Variants in IQGAP1 observed in about 807,000 individuals in gnomAD.
IQGAP1 encodes the protein IQ motif containing GTPase activating protein 1.
A neutral mutation model predicts 215.6 loss-of-function variants in IQGAP1; 66 were observed. The observed-to-expected ratio is 0.31, with a 90% confidence interval of 0.25 to 0.38. The LOEUF (loss-of-function observed/expected upper bound fraction) is 0.38. Ranked by LOEUF, IQGAP1 falls within the 10% of genes least tolerant of loss-of-function variation. IQGAP1 has a pLI of 1.00. For missense variants in IQGAP1, 1,712 were observed against 1,997.1 expected, an observed-to-expected ratio of 0.86 and a Z score of 2.72; for synonymous variants, 772 against 728.7, an observed-to-expected ratio of 1.06 and a Z score of -0.96.
intron 18 of IQGAP1, among the ~76,000 whole-genome samples, chr15:90,470,823 C>T (rs1596282949): frequency 6.6e-6 from 1 of 152,154 alleles, no homozygotes; most frequent in Non-Finnish European, 1.5e-5. Flanking sequence ...AAAGTCTCTT[C>T]CTCAAACCCT....
intron 4 of IQGAP1, among the ~76,000 whole-genome samples, chr15:90,433,230 G>GTT (rs1230685514): frequency 6.6e-6 from 1 of 152,054 alleles, no homozygotes; most frequent in African/African-American, 2.4e-5. Context: ...ATATTTTATA[G>GTT]TTTTTTTCAA....
At chr15:90,441,484 G>GTT in intron 7 of IQGAP1, 22 bp from the exon 8 acceptor site, 1 of 1,581,984 alleles carries the variant, frequency 6.3e-7, no homozygotes, top group Non-Finnish European at 8.6e-7. Flanking sequence ...TTGTTGGTTT[G>GTT]TTTTTTTGTT....
intron 2 of IQGAP1, among the ~76,000 whole-genome samples, chr15:90,407,029 A>C (rs1347912003): frequency 1.3e-5 from 2 of 152,214 alleles, no homozygotes; most frequent in Non-Finnish European, 2.9e-5. Context: ...GCCATACTTT[A>C]AGATGGATCT....
chr15:90,484,190 T>C lies in IQGAP1; in HGVS notation c.3789-30T>C, dbSNP rs200037838. On this transcript the variant is annotated intron_variant, in intron 29 of 37. Coordinates refer to ENST00000268182, the MANE Select transcript of IQGAP1 (RefSeq NM_003870.4). ...GCCAACTTCATGTGTATGTCCCTTTTTGGGGGGCTGCCTCCTGTGCTTATT... is the reference window on the plus strand; with the variant it reads ...GCCAACTTCATGTGTATGTCCCTTTCTGGGGGGCTGCCTCCTGTGCTTATT... 1.0e-5 allele frequency: 16 copies of C among 1,607,602 alleles called. No homozygotes were observed. The East Asian group carries it at 3.1e-4, about 31-fold the overall frequency.
intron 18 of IQGAP1, among the ~76,000 whole-genome samples, chr15:90,471,188 C>A (rs1490861368): frequency 6.6e-6 from 1 of 152,114 alleles, no homozygotes. Context: ...ATTTTTATCT[C>A]ACATGAAATG....
At chr15:90,448,481 T>C (rs892943359) in intron 9 of IQGAP1, 92 bp from the exon 10 acceptor site, 120 of 1,134,026 alleles carry the variant, frequency 1.1e-4, no homozygotes, top group Admixed American at 2.2e-4. Context: ...TATTTCCTTA[T>C]CTGGAACTGA....
intron 11 of IQGAP1, among the ~76,000 whole-genome samples, 183 bp from the exon 12 acceptor site, chr15:90,452,592 C>T (rs955065115): frequency 6.6e-6 from 1 of 152,150 alleles, no homozygotes; most frequent in African/African-American, 2.4e-5. Context: ...AGACATGGTT[C>T]ACATACCGTA....
chr15:90,466,603 T>C (rs112495893), intron 17 of IQGAP1, among the ~76,000 whole-genome samples, 167 bp downstream of exon 17: 19,253 of 143,184 alleles, frequency 0.13, 1,288 homozygotes, highest in African/African-American at 0.16. Flanking sequence ...AAAATATCCT[T>C]CCCCCCCCCC....
rs142465761 is a variant in IQGAP1, at chr15:90,391,131, G to T, written c.155+258G>T. ...TGCATGCCAGTAGTCCTAGCTACTC[G>T]GGAGCCTGAGGAGGGAGGATCACTT... On this transcript the variant is annotated intron_variant, in intron 2 of 37. Transcript: ENST00000268182. 1.4e-3 allele frequency: 453 copies of T among 314,508 alleles called. 2 individuals are homozygous for T. The highest frequency in any genetic ancestry group is 9.1e-3 in the African/African-American group (418 of 46,186). 19.5% of individuals were successfully genotyped at this position (314,508 alleles called of 1,614,324 possible). A position where few individuals can be genotyped will look rare whatever the true frequency, so the allele number is the denominator to read the frequency against.
intron 2 of IQGAP1, among the ~76,000 whole-genome samples, chr15:90,425,894 A>T (rs922123989): frequency 2.0e-5 from 3 of 152,164 alleles, no homozygotes; most frequent in African/African-American, 7.2e-5. Flanking sequence ...GGTGGAGAAG[A>T]AAGTGGCATT....
chr15:90,424,574 C>T (rs771061563), intron 2 of IQGAP1, among the ~76,000 whole-genome samples: 3 of 152,208 alleles, frequency 2.0e-5, no homozygotes, highest in Admixed American at 6.5e-5. Context: ...CGGTGGCTTA[C>T]GCCTGTAATC....
Position 90,497,244 on chromosome 15 carries a change from T to C in IQGAP1, c.4764T>C (p.Val1588=), listed in dbSNP as rs762387710. The C allele has an allele frequency of 6.3e-7, 1 of 1,582,658 alleles. No individual in the cohort carries two copies. Among genetic ancestry groups the C allele is most frequent in the East Asian group, 2.2e-5 (1 of 44,732 alleles). Residue 1588 remains valine, a synonymous_variant, in exon 37 of 38, where the codon GTT becomes GTC. Transcript: ENST00000268182. Reference sequence around the variant, plus strand: ...TATCTTTCAACAGGTTTAAAAATGTTATATTTGAAATCAGTCCAACAGAAG... The same window carrying C: ...TATCTTTCAACAGGTTTAAAAATGTCATATTTGAAATCAGTCCAACAGAAG... The part of the protein sequence containing the change: ...EDLQVNQFKN[V]IFEISPTEEV...
intron 29 of IQGAP1, among the ~76,000 whole-genome samples, chr15:90,483,939 T>C (rs1049343204): frequency 6.6e-6 from 1 of 152,348 alleles, no homozygotes; most frequent in Non-Finnish European, 1.5e-5. Flanking sequence ...AGCACTGTCT[T>C]AGAGATAGAA....
In IQGAP1 at chr15:90,474,801, C is replaced by G. The variant is rs187319191; in HGVS notation, c.2784+108C>G. 1.3e-3 allele frequency: 1,078 copies of G among 805,216 alleles called. 3 individuals are homozygous for G. The highest frequency in any genetic ancestry group is 1.8e-3 in the Non-Finnish European group (885 of 485,688). 49.9% of individuals were successfully genotyped at this position (805,216 alleles called of 1,614,324 possible). Reference sequence around the variant, plus strand: ...GGGTGGAGGCTGACTTTCTCCTCAGCTACTGCCATAAGAGCTTTTTTTTTT... The same window carrying G: ...GGGTGGAGGCTGACTTTCTCCTCAGGTACTGCCATAAGAGCTTTTTTTTTT... On this transcript the variant is annotated intron_variant, in intron 23 of 37. Transcript: ENST00000268182.
chr15:90,499,612 A>G (rs1445091098), intron 37 of IQGAP1, among the ~76,000 whole-genome samples: 2 of 152,224 alleles, frequency 1.3e-5, no homozygotes, highest in Non-Finnish European at 2.9e-5. Flanking sequence ...ATTTATTAAA[A>G]CTAGTGACCC....
intron 23 of IQGAP1, among the ~76,000 whole-genome samples, chr15:90,475,250 C>T (rs2151032844): frequency 6.6e-6 from 1 of 152,226 alleles, no homozygotes; most frequent in South Asian, 2.1e-4. Flanking sequence ...CCACCCGCCT[C>T]AGCCTCCCAA....
chr15:90,457,940 T>C (rs1456249817), intron 15 of IQGAP1, among the ~76,000 whole-genome samples: 1 of 152,204 alleles, frequency 6.6e-6, no homozygotes, highest in Non-Finnish European at 1.5e-5. Flanking sequence ...GTCAGTGGAC[T>C]TTAGTACGTT....
At position 90,441,486 on chromosome 15, in the gene IQGAP1, T is replaced by A. The variant is rs767626767; in HGVS notation, c.650-20T>A. ...AATCTCAGTGTTTTTGTTGGTTTGT[T>A]TTTTTGTTTTTTTTTTTAGTACATG... On this transcript the variant is annotated intron_variant, in intron 7 of 37. Transcript: ENST00000268182. The A allele has an allele frequency of 1.8e-5, 28 of 1,595,334 alleles. No homozygotes were observed. Among genetic ancestry groups the A allele is most frequent in the Non-Finnish European group, 2.3e-5 (27 of 1,170,872 alleles).
At chr15:90,438,648 C>A (rs1291838450) in intron 5 of IQGAP1, among the ~76,000 whole-genome samples, 1 of 151,728 alleles carries the variant, frequency 6.6e-6, no homozygotes, top group African/African-American at 2.4e-5. Flanking sequence ...TCTAAAATGT[C>A]TTATTATTTA....
Sources: allele counts gnomAD v4.1 joint callset (sites outside exome capture counted in the v4.1 genomes callset), GRCh38; gene constraint gnomAD v4.1.1; transcripts MANE v1.5; gene names NCBI Gene and HGNC (gene_info 2026-07-23, HGNC 2026-07-21).